SELENOO: variants seen among roughly 807,000 people sequenced by gnomAD.
SELENOO encodes protein adenylyltransferase SelO, mitochondrial.
SELENOO carries 74 observed loss-of-function variants against 58.7 expected under a neutral mutation model. The ratio of observed to expected loss-of-function variants is 1.26; its 90% CI spans 1.04 to 1.53. The LOEUF is 1.53. Among genes scored for constraint, SELENOO ranks in the 40% most tolerant of loss-of-function variants. The probability of loss-of-function intolerance (pLI) is 0.00; values close to 1 mark genes in which losing one functional copy is unlikely to be tolerated. For synonymous variants in SELENOO, 543 were observed against 453.2 expected, an observed-to-expected ratio of 1.20 and a Z score of -2.52; for missense variants, 1,149 against 970.0, an observed-to-expected ratio of 1.18 and a Z score of -2.45.
At chr22:50,210,137 G>A (rs1327267716) in intron 3 of SELENOO, 44 bp from the exon 4 acceptor site, 5 of 1,598,398 alleles carry the variant, frequency 3.1e-6, no homozygotes, top group Non-Finnish European at 4.3e-6. Context: ...GGGGAGGTCT[G>A]GGCAGGACCC....
rs200468030 is a variant in SELENOO at position 50,208,583 on chromosome 22, G to A, written c.806G>A (p.Arg269His). ...AAGTCTGCAGATGAGCACACAGGGC[G>A]TGCAGGCCCCAGCGTGGGGAGGAAC... ...IFKSADEHTG[R>H]AGPSVGRNDI... Residue 269 changes from arginine to histidine, a missense_variant, in exon 3 of 9, where the codon CGT (arginine) becomes CAT (histidine). Physicochemically the swap from Arg to His is conservative, Grantham distance 29. Coordinates refer to ENST00000380903, the MANE Select transcript of SELENOO (RefSeq NM_031454.2). 3.7e-4 allele frequency: 605 copies of A among 1,613,940 alleles called. 4 individuals are homozygous for A. Among genetic ancestry groups the A allele is most frequent in the South Asian group, 1.8e-3 (164 of 91,082 alleles).
At chr22:50,209,884 T>G (rs1161723655) in intron 3 of SELENOO, among the ~76,000 whole-genome samples, 1 of 152,226 alleles carries the variant, frequency 6.6e-6, no homozygotes, top group Non-Finnish European at 1.5e-5. Context: ...AACTGACCCT[T>G]CTCTGCTTCT....
intron 1 of SELENOO, among the ~76,000 whole-genome samples, chr22:50,202,433 G>C (rs1017353062): frequency 1.3e-5 from 2 of 152,040 alleles, no homozygotes; most frequent in African/African-American, 4.8e-5. Flanking sequence ...AGGGCAACCT[G>C]GCTCTGGCTC....
Position 50,215,708 on chromosome 22 carries a change from G to T in SELENOO, c.1352-9G>T. ...CTGCTTCCAGCTCCCTGAGCAGCCT[G>T]TGTTCCAGGTGCCGACTTCACAAAC... On this transcript the variant is annotated splice_polypyrimidine_tract_variant and intron_variant, in intron 5 of 8. Transcript: ENST00000380903. The T allele has an allele frequency of 6.3e-7, 1 of 1,584,046 alleles. No individual in the cohort carries two copies. Among genetic ancestry groups the T allele is most frequent in the Non-Finnish European group, 8.6e-7 (1 of 1,159,358 alleles).
chr22:50,215,356 T>G (rs557435432), intron 5 of SELENOO, among the ~76,000 whole-genome samples: 1 of 151,714 alleles, frequency 6.6e-6, no homozygotes, highest in East Asian at 1.9e-4. Flanking sequence ...GGGTGGAGGC[T>G]GAGGAGTGGG....
At position 50,201,536 on chromosome 22, in the gene SELENOO, C is replaced by A. The variant is rs2272846; in HGVS notation, c.500C>A (p.Thr167Asn). ...AMYLGEVCTA[T>N]GERWELQLKG... ...TACCTGGGCGAGGTGTGCACGGCGACCGGCGAGCGCTGGGAGCTGCAGCTC... is the reference window on the plus strand; with the variant it reads ...TACCTGGGCGAGGTGTGCACGGCGAACGGCGAGCGCTGGGAGCTGCAGCTC... Residue 167 changes from threonine (T) to asparagine (N), a missense_variant, in exon 1 of 9, where the codon ACC (threonine) becomes AAC (asparagine). Transcript: ENST00000380903. 776,388 of 1,399,384 alleles carry A rather than the reference C, an allele frequency of 0.55. 217,479 individuals carry two copies. The highest frequency in any genetic ancestry group is 0.7 in the African/African-American group (46,486 of 66,672). 86.7% of individuals were successfully genotyped at this position (1,399,384 alleles called of 1,614,324 possible). A position where few individuals can be genotyped will look rare whatever the true frequency, so the allele number is the denominator to read the frequency against.
intron 5 of SELENOO, among the ~76,000 whole-genome samples, chr22:50,215,009 G>A (rs188368996): frequency 1.3e-5 from 2 of 152,194 alleles, no homozygotes; most frequent in Non-Finnish European, 2.9e-5. Flanking sequence ...CCATGTTTCT[G>A]GTCGCTCACG....
chr22:50,206,251 C>T, intron 1 of SELENOO, 66 bp from the exon 2 acceptor site: 5 of 1,421,166 alleles, frequency 3.5e-6, no homozygotes, highest in Non-Finnish European at 4.9e-6. Context: ...CCATGTGCTG[C>T]CCGGAATCCT....
At chr22:50,211,563 T>C (rs1458998263) in intron 5 of SELENOO, among the ~76,000 whole-genome samples, 2 of 152,236 alleles carry the variant, frequency 1.3e-5, no homozygotes, top group Non-Finnish European at 1.5e-5. Context: ...TCAGAATGCT[T>C]TTACCATGAA....
chr22:50,214,341 C>T lies in SELENOO; in HGVS notation c.1352-1376C>T, dbSNP rs570975193. Reference sequence around the variant, plus strand: ...TTTTTTATTTAAAATCTTCTCTGGCCGGGCATGGTGGCTCATGCCTGTAAT... The same window carrying T: ...TTTTTTATTTAAAATCTTCTCTGGCTGGGCATGGTGGCTCATGCCTGTAAT... On this transcript the variant is annotated intron_variant, in intron 5 of 8. Transcript: ENST00000380903. Among the ~76,000 whole-genome samples the T allele has an allele frequency of 2.1e-4, 32 of 152,208 alleles. No homozygotes were observed. In the South Asian group the frequency reaches 6.2e-3, roughly 30 times the overall value.
chr22:50,217,340 G>C lies in SELENOO; in HGVS notation c.1981G>C (p.Ala661Pro). The C allele has an allele frequency of 6.2e-7, 1 of 1,612,900 alleles. No individual in the cohort carries two copies. ...SYSSKPPLWA[A>P]ELCVTUSS The stretch of plus-strand genomic sequence containing the variant: ...CAGCAGTAAGCCCCCGCTCTGGGCA[G>C]CAGAACTGTGCGTGACATGATCTTC... The change falls in exon 9 of 9, where the codon GCA (alanine) becomes CCA (proline). Residue 661 changes from alanine to proline, a missense_variant. Coordinates refer to ENST00000380903, the MANE Select transcript of SELENOO (RefSeq NM_031454.2).
intron 4 of SELENOO, 122 bp from the exon 5 acceptor site, chr22:50,210,509 G>A (rs2064361834): frequency 6.9e-7 from 1 of 1,458,652 alleles, no homozygotes; most frequent in East Asian, 2.3e-5. Context: ...ACCCCTGTGG[G>A]ACAGGGCCAG....
intron 1 of SELENOO, among the ~76,000 whole-genome samples, chr22:50,203,113 C>T (rs1040828547): frequency 1.3e-5 from 2 of 152,262 alleles, no homozygotes; most frequent in Non-Finnish European, 2.9e-5. Flanking sequence ...GTGGCTCACT[C>T]CTGTAATCCC....
At chr22:50,208,786 C>T (rs1353332833) in intron 3 of SELENOO, 70 bp downstream of exon 3, 1 of 1,456,440 alleles carries the variant, frequency 6.9e-7, no homozygotes, top group Non-Finnish European at 9.4e-7. Flanking sequence ...TGAAGACACC[C>T]TCATTTTGGC....
chr22:50,214,224 C>T lies in SELENOO; in HGVS notation c.1352-1493C>T, dbSNP rs148873317. Among the ~76,000 whole-genome samples the T allele has an allele frequency of 3.3e-3, 497 of 152,300 alleles. 1 individual carries two copies. Among genetic ancestry groups the T allele is most frequent in the Middle Eastern group, 6.8e-3 (2 of 294 alleles). On this transcript the variant is annotated intron_variant, in intron 5 of 8. Transcript: ENST00000380903. ...TGGCACAGCTGCGGCTCACTGCAGC[C>T]TCCACTTCTTGTGCTCTAGTTATCC...
Position 50,201,047 on chromosome 22 carries a change from A to G in SELENOO, c.11A>G (p.Tyr4Cys), listed in dbSNP as rs957436443. MAV[Y>C]RAALGASLAA... is the part of the protein sequence containing the mutation. The stretch of plus-strand genomic sequence containing the variant: ...GGAGCGGGGCCGCGGATGGCCGTAT[A>G]CAGGGCAGCGCTCGGGGCTTCGCTC... The change falls in exon 1 of 9, where the codon TAC (tyrosine) becomes TGC (cysteine). Residue 4 changes from tyrosine to cysteine, a missense_variant. Tyr to Cys is a radical substitution (Grantham distance 194, BLOSUM62 -2). Transcript: ENST00000380903. 12 of 1,319,730 alleles carry G rather than the reference A, an allele frequency of 9.1e-6. No homozygotes were observed. The highest frequency in any genetic ancestry group is 3.1e-5 in the East Asian group (1 of 31,936). The allele number at this position is 1,319,730 out of a possible 1,614,324, so 81.8% of individuals were successfully genotyped here.
Position 50,201,449 on chromosome 22 carries a change from AC to A in SELENOO, c.414del (p.Cys139AlafsTer109). 1 of 1,396,280 alleles carries A rather than the reference AC, an allele frequency of 7.2e-7. No homozygotes were observed. Among genetic ancestry groups the A allele is most frequent in the South Asian group, 1.4e-5 (1 of 69,574 alleles). 86.5% of individuals were successfully genotyped at this position (1,396,280 alleles called of 1,614,324 possible). A position where few individuals can be genotyped will look rare whatever the true frequency, so the allele number is the denominator to read the frequency against. On this transcript the variant is annotated frameshift_variant, in exon 1 of 9. Transcript: ENST00000380903. LOFTEE classifies it high-confidence loss of function. ...CTGCCGGGCGCCGAGCCCGCCGCGCACTGCTACTGCGGCCACCAATTCGGCC... is the reference window on the plus strand; with the variant it reads ...CTGCCGGGCGCCGAGCCCGCCGCGCATGCTACTGCGGCCACCAATTCGGCC... ...ALLPGAEPAA[H>X]CYCGHQFGQF...
At chr22:50,201,662 G>C (rs1249646284) in intron 1 of SELENOO, 72 bp downstream of exon 1, 1 of 1,110,308 alleles carries the variant, frequency 9.0e-7, no homozygotes, top group Admixed American at 4.4e-5. Flanking sequence ...GCCCGGCGCG[G>C]TGTTGGGGGC....
At position 50,216,994 on chromosome 22, in the gene SELENOO, G is replaced by C; in HGVS notation, c.1711G>C (p.Glu571Gln). 1 of 1,610,906 alleles carries C rather than the reference G, an allele frequency of 6.2e-7. No homozygotes were observed. Among genetic ancestry groups the C allele is most frequent in the Non-Finnish European group, 8.5e-7 (1 of 1,179,510 alleles). The change falls in exon 8 of 9, where the codon GAA (glutamate) becomes CAA (glutamine). Residue 571 changes from glutamate (E) to glutamine (Q), a missense_variant. Physicochemically the swap from Glu to Gln is conservative, Grantham distance 29. Coordinates refer to ENST00000380903, the MANE Select transcript of SELENOO (RefSeq NM_031454.2). ...CAGAGCCCGGCTGGACAAGGACCTGGAAGGCGCTGGGGACGCTGCCGCCTG... is the reference window on the plus strand; with the variant it reads ...CAGAGCCCGGCTGGACAAGGACCTGCAAGGCGCTGGGGACGCTGCCGCCTG... ...AYRARLDKDL[E>Q]GAGDAAAWQA... is the part of the protein sequence containing the mutation.
Sources: allele counts gnomAD v4.1 joint callset (sites outside exome capture counted in the v4.1 genomes callset), GRCh38; gene constraint gnomAD v4.1.1; transcripts MANE v1.5; gene names NCBI Gene and HGNC (gene_info 2026-07-23, HGNC 2026-07-21).